EFL1: variants seen among roughly 807,000 people sequenced by gnomAD.
EFL1 encodes the protein elongation factor like GTPase 1, also known as elongation factor-like GTPase 1.
Under a neutral mutation model 126.7 loss-of-function variants are expected in EFL1, and 76 were observed. The ratio of observed to expected loss-of-function variants is 0.60; its 90% CI spans 0.50 to 0.73. The LOEUF is 0.73. EFL1 is among the 30% of genes least tolerant of loss of function. The pLI is 0.00. For missense variants in EFL1, 1,128 were observed against 1,343.2 expected, an observed-to-expected ratio of 0.84 and a Z score of 2.50; for synonymous variants, 410 against 448.4, an observed-to-expected ratio of 0.91 and a Z score of 1.08.
chr15:82,131,146 CTA>C (rs2073638615), intron 19 of EFL1, among the ~76,000 whole-genome samples: 2 of 152,094 alleles, frequency 1.3e-5, no homozygotes, highest in African/African-American at 4.8e-5. Context: ...AGAAAGAAAA[CTA>C]TTAATTTTTC....
At chr15:82,256,879 T>C (rs1347515020) in intron 3 of EFL1, among the ~76,000 whole-genome samples, 2 of 152,240 alleles carry the variant, frequency 1.3e-5, no homozygotes, top group African/African-American at 4.8e-5. Flanking sequence ...ATGAGGATGA[T>C]AATTTTTGCA....
chr15:82,204,069 CAGATTTTAACAT>C (rs1392308326), intron 15 of EFL1, among the ~76,000 whole-genome samples: 1 of 152,156 alleles, frequency 6.6e-6, no homozygotes, highest in Non-Finnish European at 1.5e-5. Context: ...AGAACACTGT[CAGATTTTAACAT>C]TTTTGTCATT....
At chr15:82,159,074 GGGAAGAC>G (rs1385817054) in intron 16 of EFL1, among the ~76,000 whole-genome samples, 1 of 152,198 alleles carries the variant, frequency 6.6e-6, no homozygotes, top group Non-Finnish European at 1.5e-5. Context: ...AGAATCCCAA[GGGAAGAC>G]GGAAAGTGGG....
At position 82,151,980 on chromosome 15, in the gene EFL1, G is replaced by C. The variant is rs1403824792; in HGVS notation, c.2474C>G (p.Ser825Ter). The C allele has an allele frequency of 6.2e-7, 1 of 1,614,096 alleles. No individual in the cohort carries two copies. The highest frequency in any genetic ancestry group is 8.5e-7 in the Non-Finnish European group (1 of 1,180,024). ...GGGCCCACATTTTCTTGGGCCAAAT[G>C]ACCAGATTTGGTCAACAATGTTCCT... ...RWRNIVDQIW[S>*]FGPRKCGPNI... The change falls in exon 18 of 20, where the codon TCA (serine) becomes TGA (stop). Residue 825 changes from serine (S) to a stop codon, truncating the protein, a stop_gained. Coordinates refer to ENST00000268206, the MANE Select transcript of EFL1 (RefSeq NM_024580.6). LOFTEE classifies it high-confidence loss of function.
chr15:82,227,536 A>G lies in EFL1; in HGVS notation c.1106T>C (p.Ile369Thr), dbSNP rs1190961719. The G allele has an allele frequency of 3.1e-6, 5 of 1,614,174 alleles. No homozygotes were observed. The highest frequency in any genetic ancestry group is 4.2e-6 in the Non-Finnish European group (5 of 1,180,012). ...VCQKLPSPLDITAERVERLMC... is the reference protein window; with the variant it reads ...VCQKLPSPLDTTAERVERLMC... ...CAGTCTCTCCACTCTCTCAGCTGTA[A>G]TATCAAGGGGACTAGGAAGTTTCTG... The change falls in exon 11 of 20, where the codon ATT becomes ACT. Residue 369 changes from isoleucine to threonine, a missense_variant. By Grantham distance (89) the Ile-to-Thr change is moderately conservative (BLOSUM62 -1). Around this residue, in one of 6 missense-constraint regions of EFL1, gnomAD observed 316 missense variants for 318.5 expected, o/e 0.99. Coordinates refer to ENST00000268206, the MANE Select transcript of EFL1 (RefSeq NM_024580.6).
In EFL1 at chr15:82,151,525, G is replaced by A. The variant is rs201731639; in HGVS notation, c.2929C>T (p.Pro977Ser). The change falls in exon 18 of 20, where the codon CCT (proline) becomes TCT (serine). Residue 977 changes from proline (P) to serine (S), a missense_variant. Physicochemically the swap from Pro to Ser is moderately conservative, Grantham distance 74 (BLOSUM62 -1). Around this residue, in one of 6 missense-constraint regions of EFL1, gnomAD observed 561 missense variants for 641.7 expected, o/e 0.87. Transcript: ENST00000268206. The stretch of plus-strand genomic sequence containing the variant: ...TACATAGCTGCCATCAGGCGCTGAG[G>A]TTTCACTTGCAGTGCATAGCGACAT... The part of the protein sequence containing the change: ...EACRYALQVK[P>S]QRLMAAMYTC... 2.0e-4 allele frequency: 316 copies of A among 1,613,960 alleles called. No homozygotes were observed. Among genetic ancestry groups the A allele is most frequent in the Non-Finnish European group, 2.6e-4 (306 of 1,180,018 alleles).
intron 4 of EFL1, among the ~76,000 whole-genome samples, chr15:82,251,042 C>G (rs1428674295): frequency 6.6e-6 from 1 of 151,812 alleles, no homozygotes; most frequent in Non-Finnish European, 1.5e-5. Context: ...TGAAACCCCG[C>G]CTCTACTAAA....
At chr15:82,177,067 C>T (rs538176832) in intron 15 of EFL1, among the ~76,000 whole-genome samples, 2 of 152,060 alleles carry the variant, frequency 1.3e-5, no homozygotes, top group African/African-American at 4.8e-5. Context: ...TGAAGGGGTG[C>T]GGTGGCAGTA....
chr15:82,188,389 T>G (rs1247995207), intron 15 of EFL1, among the ~76,000 whole-genome samples: 2 of 152,142 alleles, frequency 1.3e-5, no homozygotes, highest in Non-Finnish European at 2.9e-5. Context: ...TGTTTTGTTT[T>G]ACCAAATGAA....
At chr15:82,222,536 A>G (rs557904337) in intron 12 of EFL1, among the ~76,000 whole-genome samples, 1 of 152,374 alleles carries the variant, frequency 6.6e-6, no homozygotes, top group African/African-American at 2.4e-5. Context: ...CAGCATGTAC[A>G]GTCATTAAGT....
intron 15 of EFL1, among the ~76,000 whole-genome samples, chr15:82,200,851 A>G (rs966581131): frequency 1.3e-5 from 2 of 152,192 alleles, no homozygotes; most frequent in African/African-American, 4.8e-5. Flanking sequence ...CTTCTAAAGA[A>G]ATATTTCTAT....
rs548654368 is a variant in EFL1 at position 82,162,604 on chromosome 15, G to A, written c.1882+1249C>T. On this transcript the variant is annotated intron_variant, in intron 16 of 19. Coordinates refer to ENST00000268206, the MANE Select transcript of EFL1 (RefSeq NM_024580.6). ...GTTTTACACAGAATGGGATAAATCCGTGTAGCAACCAAGGCACTGTGTCAG... is the reference window on the plus strand; with the variant it reads ...GTTTTACACAGAATGGGATAAATCCATGTAGCAACCAAGGCACTGTGTCAG... Among the ~76,000 whole-genome samples the A allele has an allele frequency of 6.0e-4, 91 of 152,312 alleles. 2 individuals carry two copies. In the South Asian group the frequency reaches 0.012, roughly 19 times the overall value.
At chr15:82,211,580 A>ACACACACACT in intron 15 of EFL1, among the ~76,000 whole-genome samples, 1 of 124,378 alleles carries the variant, frequency 8.0e-6, no homozygotes, top group Non-Finnish European at 1.7e-5. Context: ...ACACACACAC[A>ACACACACACT]CTAGACACAT....
At chr15:82,180,152 T>C (rs2074234583) in intron 15 of EFL1, among the ~76,000 whole-genome samples, 2 of 152,044 alleles carry the variant, frequency 1.3e-5, no homozygotes, top group Admixed American at 1.3e-4. Context: ...CCAGCTATGC[T>C]ATCTTCTTTT....
chr15:82,201,212 T>C (rs1163861508), intron 15 of EFL1, among the ~76,000 whole-genome samples: 1 of 152,260 alleles, frequency 6.6e-6, no homozygotes, highest in Non-Finnish European at 1.5e-5. Flanking sequence ...TCAACCAATA[T>C]ACATTGAACA....
chr15:82,262,666 C>A lies in EFL1; in HGVS notation c.-72G>T, dbSNP rs2075139940. 5.8e-5 allele frequency: 31 copies of A among 537,060 alleles called. 1 individual carries two copies. The South Asian group carries it at 7.0e-4, about 12-fold the overall frequency. 33.3% of individuals were successfully genotyped at this position (537,060 alleles called of 1,614,324 possible). A position where few individuals can be genotyped will look rare whatever the true frequency, so the allele number is the denominator to read the frequency against. ...TCCTTCTCTCGGGTCGCACCCACAC[C>A]GAGAGCTTCCGAAAGTCCGAGAGCT... On this transcript the variant is annotated 5_prime_UTR_variant, in exon 1 of 20. Transcript: ENST00000268206.
chr15:82,182,205 T>C (rs1258112795), intron 15 of EFL1, among the ~76,000 whole-genome samples: 1 of 152,174 alleles, frequency 6.6e-6, no homozygotes, highest in East Asian at 1.9e-4. Context: ...TGTAGCGAGC[T>C]GAGATCATGC....
intron 11 of EFL1, among the ~76,000 whole-genome samples, chr15:82,225,811 C>G (rs1349755992): frequency 2.0e-5 from 3 of 152,154 alleles, no homozygotes; most frequent in Admixed American, 2.0e-4. Context: ...CCTAAATACA[C>G]AAATTTTAAT....
intron 19 of EFL1, among the ~76,000 whole-genome samples, chr15:82,132,697 T>G (rs1361566110): frequency 0.029 from 746 of 26,150 alleles, no homozygotes; most frequent in South Asian, 0.053. Flanking sequence ...GGGGGGGGGG[T>G]AGGCAGAGTG....
Sources: allele counts gnomAD v4.1 joint callset (sites outside exome capture counted in the v4.1 genomes callset), GRCh38; gene constraint gnomAD v4.1.1; regional missense constraint gnomAD v4.1.1; transcripts MANE v1.5; gene names NCBI Gene and HGNC (gene_info 2026-07-23, HGNC 2026-07-21).